The following NADK variants were observed in gnomAD, a reference collection of about 807,000 sequenced individuals.
The protein encoded by NADK is poly(P)/ATP NAD kinase.
In NADK, 22 loss-of-function variants were observed where a neutral mutation model predicts 49.8. The ratio of observed to expected loss-of-function variants is 0.44; its 90% CI spans 0.32 to 0.63. NADK has a LOEUF of 0.63. Ranked by LOEUF, NADK falls within the 30% of genes least tolerant of loss-of-function variation. The pLI is 0.06. For synonymous variants in NADK, 268 were observed against 253.7 expected (o/e 1.06, Z -0.54); for missense variants, 438 against 609.4 (o/e 0.72, Z 2.96).
At position 1,757,360 on chromosome 1, in the gene NADK, G is replaced by A. The variant is rs372761734; in HGVS notation, c.264-50C>T. 3.6e-5 allele frequency: 53 copies of A among 1,481,072 alleles called. No homozygotes were observed. The African/African-American group carries it at 5.7e-4, about 16-fold the overall frequency. 91.7% of individuals were successfully genotyped at this position (1,481,072 alleles called of 1,614,324 possible). A position where few individuals can be genotyped will look rare whatever the true frequency, so the allele number is the denominator to read the frequency against. ...ACACCAGCTGCGATCTCCCTCTTGC[G>A]GAAAAGGTGTATGACTTAGAAAATA... On this transcript the variant is annotated intron_variant, in intron 3 of 11. Transcript: ENST00000341426.
rs71578334 is a variant in NADK, at chr1:1,752,908, CCCTCCTCCT to C, written c.1328_1336del (p.Glu443_Glu445del). 79 of 1,526,018 alleles carry C rather than the reference CCCTCCTCCT, an allele frequency of 5.2e-5. No individual in the cohort carries two copies. Among genetic ancestry groups the C allele is most frequent in the Middle Eastern group, 1.7e-4 (1 of 5,924 alleles). The allele number at this position is 1,526,018 out of a possible 1,614,324, so 94.5% of individuals were successfully genotyped here. ...GGGCCTGGATAGGGGCTTGACCTAG[CCCTCCTCCT>C]CCTCCTCCTCCTCCTCCTCGAAGTG... On this transcript the variant is annotated inframe_deletion, in exon 12 of 12. Transcript: ENST00000341426.
chr1:1,779,667 T>TTTGTGTGTGTGTG (rs1646314789), upstream of NADK, among the ~76,000 whole-genome samples: 1 of 148,598 alleles, frequency 6.7e-6, no homozygotes, highest in African/African-American at 2.5e-5. Context: ...ATATATATAT[T>TTTGTGTGTGTGTG]TGTGTGTGTG....
chr1:1,764,402 T>C (rs527457804), intron 2 of NADK, among the ~76,000 whole-genome samples: 130 of 152,258 alleles, frequency 8.5e-4, no homozygotes, highest in African/African-American at 3.0e-3. Flanking sequence ...CCAAGCAGCA[T>C]TGTGCAAGGG....
chr1:1,767,156 A>T (rs1203933680), intron 1 of NADK, among the ~76,000 whole-genome samples: 10 of 152,012 alleles, frequency 6.6e-5, no homozygotes, highest in Non-Finnish European at 1.5e-4. Context: ...ACCTCAAATG[A>T]TCTGCCCGCC....
At chr1:1,769,598 C>T (rs548163391) in intron 1 of NADK, among the ~76,000 whole-genome samples, 3 of 151,952 alleles carry the variant, frequency 2.0e-5, no homozygotes, top group African/African-American at 4.8e-5. Context: ...TGTGGTGGCG[C>T]GTGCCTGTAA....
intron 3 of NADK, among the ~76,000 whole-genome samples, chr1:1,760,080 G>A (rs141159742): frequency 7.3e-4 from 111 of 152,334 alleles, no homozygotes; most frequent in Middle Eastern, 3.4e-3. Context: ...GTGAGGCCGC[G>A]GCGAGTGGTC....
At chr1:1,761,761 G>T in intron 3 of NADK, 191 bp downstream of exon 3, 1 of 546,958 alleles carries the variant, frequency 1.8e-6, no homozygotes, top group Non-Finnish European at 3.3e-6. Context: ...GGACGCCCAT[G>T]TGGCTTTTTG....
At position 1,756,250 on chromosome 1, in the gene NADK, C is replaced by T. The variant is rs189439310; in HGVS notation, c.585+8G>A. The T allele has an allele frequency of 6.8e-6, 11 of 1,613,346 alleles. No individual in the cohort carries two copies. Among genetic ancestry groups the T allele is most frequent in the South Asian group, 3.3e-5 (3 of 91,070 alleles). On this transcript the variant is annotated splice_region_variant and intron_variant, in intron 6 of 11. Coordinates refer to ENST00000341426, the MANE Select transcript of NADK (RefSeq NM_023018.5). ...CCTGGTGTGGGTCTGGAAATGTCAGCGCTTCACCTGGAAAAGCGAGGAAGC... is the reference window on the plus strand; with the variant it reads ...CCTGGTGTGGGTCTGGAAATGTCAGTGCTTCACCTGGAAAAGCGAGGAAGC...
intron 1 of NADK, among the ~76,000 whole-genome samples, chr1:1,776,372 C>T (rs1646210097): frequency 6.6e-6 from 1 of 152,172 alleles, no homozygotes; most frequent in Admixed American, 6.6e-5. Flanking sequence ...TAACTGCTGA[C>T]AGCAGTTGTT....
rs1440842353 is a variant in NADK, at chr1:1,752,147, T to G, written c.*757A>C. 6.6e-6 allele frequency: 1 copy of G among 152,554 alleles called. No individual in the cohort carries two copies. Among genetic ancestry groups the G allele is most frequent in the African/African-American group, 2.4e-5 (1 of 41,432 alleles). The allele number at this position is 152,554 out of a possible 1,614,324, so 9.5% of individuals were successfully genotyped here. A position where few individuals can be genotyped will look rare whatever the true frequency, so the allele number is the denominator to read the frequency against. ...AGACGACTCCCTTCCCCTTGAAATC[T>G]TCACAAAAGTGTGTACGAGAAAGTA... is the stretch of plus-strand genomic sequence containing the variant. On this transcript the variant is annotated 3_prime_UTR_variant, in exon 12 of 12. Transcript: ENST00000341426.
At chr1:1,762,150 A>G in intron 2 of NADK, 115 bp from the exon 3 acceptor site, 1 of 837,176 alleles carries the variant, frequency 1.2e-6, no homozygotes, top group Non-Finnish European at 1.9e-6. Context: ...GAAAGATGCC[A>G]ACTCCATCTG....
chr1:1,765,384 A>AT lies in NADK; in HGVS notation c.22dup (p.Met8AsnfsTer5). Reference sequence around the variant, plus strand: ...TGGACTCAATTCCTTATTCATGGTCATTTTTTCTTGTTCCATTTCCATTGT... The same window carrying AT: ...TGGACTCAATTCCTTATTCATGGTCATTTTTTTCTTGTTCCATTTCCATTGT... On this transcript the variant is annotated frameshift_variant, in exon 2 of 12. Coordinates refer to ENST00000341426, the MANE Select transcript of NADK (RefSeq NM_023018.5). LOFTEE classifies it high-confidence loss of function. 6.2e-7 allele frequency: 1 copy of AT among 1,603,080 alleles called. No homozygotes were observed. The highest frequency in any genetic ancestry group is 8.5e-7 in the Non-Finnish European group (1 of 1,173,956).
chr1:1,771,042 TAAA>T (rs34422935), intron 1 of NADK, among the ~76,000 whole-genome samples: 46,854 of 130,204 alleles, frequency 0.36, 9,092 homozygotes, highest in Non-Finnish European at 0.44. Context: ...TTTCATCTTA[TAAA>T]AAAAAAAAAA....
chr1:1,765,149 A>C (rs1400040107), intron 2 of NADK, 79 bp downstream of exon 2: 5 of 1,385,616 alleles, frequency 3.6e-6, no homozygotes, highest in Non-Finnish European at 4.9e-6. Flanking sequence ...ACTCAGGAGA[A>C]TTCTTCATAA....
intron 1 of NADK, among the ~76,000 whole-genome samples, chr1:1,773,305 A>G (rs899816989): frequency 1.3e-5 from 2 of 149,514 alleles, no homozygotes; most frequent in South Asian, 2.1e-4. Flanking sequence ...ACACCCGGCT[A>G]ATTTTTGTAT....
At chr1:1,757,146 G>GCA (rs1553183924) in intron 4 of NADK, 35 bp downstream of exon 4, 2 of 1,524,056 alleles carry the variant, frequency 1.3e-6, no homozygotes, top group Admixed American at 2.0e-5. Context: ...AACTCCATGT[G>GCA]CACCCCAGGC....
chr1:1,769,804 C>T (rs904203994), intron 1 of NADK, among the ~76,000 whole-genome samples: 49 of 151,638 alleles, frequency 3.2e-4, no homozygotes, highest in African/African-American at 3.2e-4. Flanking sequence ...CGGCCAGACA[C>T]GGTGGCTCAC....
intron 11 of NADK, 101 bp downstream of exon 11, chr1:1,753,466 G>C: frequency 1.1e-6 from 1 of 936,562 alleles, no homozygotes; most frequent in Non-Finnish European, 1.6e-6. Context: ...TGGTGCCCTA[G>C]GGGACAAGCT....
intron 3 of NADK, chr1:1,759,334 C>T: frequency 6.9e-7 from 1 of 1,441,796 alleles, no homozygotes; most frequent in Non-Finnish European, 9.2e-7. Context: ...TGCAGGCACA[C>T]ACGGCTGTGG....
Sources: gnomAD v4.1 joint callset for allele counts (sites outside exome capture counted in the v4.1 genomes callset) on GRCh38, gnomAD v4.1.1 for gene constraint, MANE v1.5 for transcripts, NCBI Gene and HGNC (gene_info 2026-07-23, HGNC 2026-07-21) for gene names.